Variants in XYLB observed in about 807,000 individuals in gnomAD.
The protein encoded by XYLB is xylulose kinase.
In XYLB, 62 loss-of-function variants were observed where a neutral mutation model predicts 78.7. The ratio of observed to expected loss-of-function variants is 0.79; its 90% CI spans 0.64 to 0.97. The LOEUF (loss-of-function observed/expected upper bound fraction) is 0.97, where lower values mean the gene tolerates loss of function less well. Among genes scored for constraint, XYLB ranks in the 50% least tolerant of loss-of-function variants. XYLB has a pLI of 0.00. For synonymous variants in XYLB, 245 were observed against 247.4 expected (o/e 0.99, Z 0.09); for missense variants, 687 against 676.8 (o/e 1.02, Z -0.17).
At chr3:38,393,393 G>T (rs1160336882) in intron 15 of XYLB, among the ~76,000 whole-genome samples, 5 of 152,150 alleles carry the variant, frequency 3.3e-5, no homozygotes, top group Non-Finnish European at 7.3e-5. Context: ...CAATCTACCT[G>T]CCTTGGCCTC....
the XYLB span, among the ~76,000 whole-genome samples, chr3:38,442,744 T>A: frequency 7.6e-6 from 1 of 130,862 alleles, no homozygotes; most frequent in African/African-American, 2.6e-5. Flanking sequence ...TTTTTTTTTT[T>A]ACTAAGACTT....
Position 38,376,810 on chromosome 3 carries a change from A to C in XYLB, c.1121-108A>C, listed in dbSNP as rs1213663302. 3 of 744,028 alleles carry C rather than the reference A, an allele frequency of 4.0e-6. No homozygotes were observed. The East Asian group carries it at 9.6e-5, about 24-fold the overall frequency. The allele number at this position is 744,028 out of a possible 1,614,324, so 46.1% of individuals were successfully genotyped here. A position where few individuals can be genotyped will look rare whatever the true frequency, so the allele number is the denominator to read the frequency against. ...GTCTCATCTGGGGGATGAAAGAGCCAGGGGACCCAGGGATATGGGGTCATT... is the reference window on the plus strand; with the variant it reads ...GTCTCATCTGGGGGATGAAAGAGCCCGGGGACCCAGGGATATGGGGTCATT... On this transcript the variant is annotated intron_variant, in intron 13 of 18. Transcript: ENST00000207870.
Position 38,359,983 on chromosome 3 carries a change from G to A in XYLB, c.141-356G>A, listed in dbSNP as rs191157943. On this transcript the variant is annotated intron_variant, in intron 2 of 18. Transcript: ENST00000207870. ...TGATAGTAGAGACACTCTTCCCTCC[G>A]ACGCAGCATCTCTGTGTGGCTGCCC... 1.4e-3 allele frequency among the ~76,000 whole-genome samples: 206 copies of A among 152,260 alleles called. 1 individual carries two copies. The highest frequency in any genetic ancestry group is 4.6e-3 in the African/African-American group (192 of 41,542).
At chr3:38,377,038 T>G in intron 14 of XYLB, 47 bp downstream of exon 14, 2 of 1,525,272 alleles carry the variant, frequency 1.3e-6, no homozygotes, top group Non-Finnish European at 1.8e-6. Context: ...CATTTGTGAG[T>G]GTAAAATTTA....
intron 13 of XYLB, 68 bp from the exon 14 acceptor site, chr3:38,376,850 G>C: frequency 1.1e-5 from 16 of 1,415,486 alleles, no homozygotes; most frequent in Non-Finnish European, 1.6e-5. Context: ...CCTGTTCTAA[G>C]TCTGTTAAGA....
the XYLB span, among the ~76,000 whole-genome samples, chr3:38,427,172 C>G: frequency 6.6e-6 from 1 of 152,202 alleles, no homozygotes; most frequent in Non-Finnish European, 1.5e-5. Flanking sequence ...CCCCTAATCC[C>G]CACTTTATAC....
rs704947 is a variant in XYLB, at chr3:38,368,109, T to A, written c.574-76T>A. On this transcript the variant is annotated intron_variant, in intron 7 of 18. Transcript: ENST00000207870. Reference sequence around the variant, plus strand: ...TCCCTCTCCAATTTTTTTTCATGCTTTGTGTGTGTCAGAAGCATTCAGTAG... The same window carrying A: ...TCCCTCTCCAATTTTTTTTCATGCTATGTGTGTGTCAGAAGCATTCAGTAG... 6 of 1,407,452 alleles carry A rather than the reference T, an allele frequency of 4.3e-6. No homozygotes were observed. In the South Asian group the frequency reaches 7.1e-5, roughly 17 times the overall value. 87.2% of individuals were successfully genotyped at this position (1,407,452 alleles called of 1,614,324 possible).
At chr3:38,390,069 T>C (rs1159287961) in intron 15 of XYLB, among the ~76,000 whole-genome samples, 1 of 152,190 alleles carries the variant, frequency 6.6e-6, no homozygotes, top group Non-Finnish European at 1.5e-5. Context: ...AGCAAAAATA[T>C]GATGCTCTGG....
chr3:38,408,655 GAA>G (rs1708437641), intron 18 of XYLB, among the ~76,000 whole-genome samples: 1 of 150,386 alleles, frequency 6.6e-6, no homozygotes, highest in East Asian at 2.0e-4. Context: ...TAATAAAGAA[GAA>G]AAGAGAGAAG....
chr3:38,424,457 A>G (rs549553074), downstream of XYLB, among the ~76,000 whole-genome samples: 19 of 152,360 alleles, frequency 1.2e-4, no homozygotes, highest in African/African-American at 4.3e-4. Context: ...CTTGATAATC[A>G]CTTTCCAAAG....
At chr3:38,362,862 C>A in intron 3 of XYLB, 75 bp from the exon 4 acceptor site, 1 of 1,287,662 alleles carries the variant, frequency 7.8e-7, no homozygotes, top group Non-Finnish European at 1.0e-6. Flanking sequence ...CAGGCACTTG[C>A]GTTTCAATTC....
the XYLB span, among the ~76,000 whole-genome samples, chr3:38,433,279 C>A: frequency 3.3e-5 from 5 of 152,198 alleles, no homozygotes; most frequent in East Asian, 9.6e-4. Flanking sequence ...CTGGGCCTGG[C>A]CCACAGAACC....
In XYLB at chr3:38,397,072, G is replaced by A; in HGVS notation, c.1351G>A (p.Val451Met). Residue 451 changes from valine (V) to methionine (M), a missense_variant and splice_region_variant, in exon 17 of 19, where the codon GTG becomes ATG. Val to Met is a conservative substitution (Grantham distance 21). Transcript: ENST00000207870. ...AGTAGAACCTCTGTGTCCTTTTCAG[G>A]TGCTTGCAGATGTGTTTGATGCCCC... ...GASHNREILQ[V>M]LADVFDAPVY... 1 of 1,614,184 alleles carries A rather than the reference G, an allele frequency of 6.2e-7. No individual in the cohort carries two copies. Among genetic ancestry groups the A allele is most frequent in the Non-Finnish European group, 8.5e-7 (1 of 1,180,020 alleles).
rs1282660197 is a variant in XYLB at position 38,359,080 on chromosome 3, CACAA to C, written c.141-1255_141-1252del. 2.0e-5 allele frequency among the ~76,000 whole-genome samples: 3 copies of C among 152,230 alleles called. No individual in the cohort carries two copies. In the East Asian group the frequency reaches 5.8e-4, roughly 29 times the overall value. ...GCTAAAAGCCTTTAGAGCTGAGAGC[CACAA>C]ACAGAGTTTTGCCCACATATTTATT... On this transcript the variant is annotated intron_variant, in intron 2 of 18. Coordinates refer to ENST00000207870, the MANE Select transcript of XYLB (RefSeq NM_005108.4).
downstream of XYLB, among the ~76,000 whole-genome samples, chr3:38,419,397 G>C (rs189279101): frequency 1.3e-5 from 2 of 151,180 alleles, no homozygotes; most frequent in Non-Finnish European, 3.0e-5. Flanking sequence ...ATCTGAGTCC[G>C]TGCTTTCAAT....
At chr3:38,434,680 G>A in the XYLB span, among the ~76,000 whole-genome samples, 14 of 152,060 alleles carry the variant, frequency 9.2e-5, no homozygotes, top group Non-Finnish European at 1.6e-4. Flanking sequence ...AGCTCAAATA[G>A]TACCACTACA....
downstream of XYLB, among the ~76,000 whole-genome samples, chr3:38,425,735 T>C (rs762814596): frequency 1.3e-5 from 2 of 152,180 alleles, no homozygotes; most frequent in African/African-American, 2.4e-5. Flanking sequence ...TGAAACTTCA[T>C]CATGAGCCAG....
At chr3:38,418,640 G>C (rs564912348), downstream of XYLB, among the ~76,000 whole-genome samples, 12 of 152,216 alleles carry the variant, frequency 7.9e-5, no homozygotes, top group Non-Finnish European at 1.6e-4. Flanking sequence ...ATGTACCAAT[G>C]ATGGGTAAAT....
At chr3:38,404,948 CTTG>C (rs909663088) in intron 18 of XYLB, among the ~76,000 whole-genome samples, 1 of 152,136 alleles carries the variant, frequency 6.6e-6, no homozygotes, top group Non-Finnish European at 1.5e-5. Context: ...GGTCCTTGGT[CTTG>C]TTGTTTGTCT....
Sources: allele counts gnomAD v4.1 joint callset (sites outside exome capture counted in the v4.1 genomes callset), GRCh38; gene constraint gnomAD v4.1.1; transcripts MANE v1.5; gene names NCBI Gene and HGNC (gene_info 2026-07-23, HGNC 2026-07-21).